FEZ2: variants seen among roughly 807,000 people sequenced by gnomAD.
FEZ2 encodes fasciculation and elongation protein zeta-2.
In FEZ2, 51 loss-of-function variants were observed where a neutral mutation model predicts 40.4. The observed-to-expected ratio is 1.26, with a 90% CI of 1.01 to 1.59. FEZ2 has a LOEUF of 1.59. FEZ2 is among the 40% of genes most tolerant of loss of function. The pLI is 0.00. For missense variants in FEZ2, 640 were observed against 438.3 expected, an observed-to-expected ratio of 1.46 and a Z score of -4.11; for synonymous variants, 242 against 172.0, an observed-to-expected ratio of 1.41 and a Z score of -3.18.
chr2:36,585,833 A>G (rs759932597), intron 2 of FEZ2, among the ~76,000 whole-genome samples: 3 of 152,224 alleles, frequency 2.0e-5, no homozygotes, highest in Non-Finnish European at 4.4e-5. Context: ...GGCAAAGGAC[A>G]GAAGAGAGCT....
chr2:36,567,334 A>G (rs142459207), intron 5 of FEZ2, among the ~76,000 whole-genome samples: 141 of 152,312 alleles, frequency 9.3e-4, no homozygotes, highest in Non-Finnish European at 1.0e-3. Context: ...ACATCAAGTT[A>G]TTTTTCAGAA....
chr2:36,587,452 A>G (rs1215096133), intron 2 of FEZ2, among the ~76,000 whole-genome samples: 1 of 152,218 alleles, frequency 6.6e-6, no homozygotes, highest in Non-Finnish European at 1.5e-5. Context: ...GTTTCCCTGT[A>G]TAAAACTGAA....
chr2:36,554,114 C>T, intron 7 of FEZ2: 1 of 428,522 alleles, frequency 2.3e-6, no homozygotes, highest in Non-Finnish European at 4.8e-6. Context: ...AACCACAACA[C>T]ATGCACACAG....
chr2:36,577,966 A>G (rs1446514113), intron 5 of FEZ2, among the ~76,000 whole-genome samples: 1 of 152,240 alleles, frequency 6.6e-6, no homozygotes, highest in Non-Finnish European at 1.5e-5. Flanking sequence ...CAAGGTGGGA[A>G]TACACAAGAC....
chr2:36,562,604 C>CAATAGTTAT (rs1254875892), intron 5 of FEZ2, among the ~76,000 whole-genome samples: 1 of 152,208 alleles, frequency 6.6e-6, no homozygotes, highest in East Asian at 1.9e-4. Flanking sequence ...CTCTTCACTT[C>CAATAGTTAT]ACTGAAAGCA....
At chr2:36,560,381 C>T (rs912421702) in intron 5 of FEZ2, among the ~76,000 whole-genome samples, 2 of 152,122 alleles carry the variant, frequency 1.3e-5, no homozygotes, top group African/African-American at 4.8e-5. Context: ...TCAAACATAC[C>T]GACATCTGGC....
chr2:36,587,691 T>G (rs184612788), intron 2 of FEZ2, among the ~76,000 whole-genome samples: 37 of 152,300 alleles, frequency 2.4e-4, no homozygotes, highest in Non-Finnish European at 5.0e-4. Flanking sequence ...GTTTTATAAG[T>G]AAAATAATCT....
At chr2:36,564,973 G>GAC (rs150018635) in intron 5 of FEZ2, among the ~76,000 whole-genome samples, 90 of 152,316 alleles carry the variant, frequency 5.9e-4, no homozygotes, top group African/African-American at 2.0e-3. Context: ...GGAAAAGAGA[G>GAC]ACATCCCCTC....
chr2:36,553,990 T>C (rs1667891031), intron 7 of FEZ2, among the ~76,000 whole-genome samples: 1 of 152,160 alleles, frequency 6.6e-6, no homozygotes, highest in Non-Finnish European at 1.5e-5. Context: ...CACATTTGGG[T>C]AAATACATCT....
chr2:36,597,744 G>A (rs1209101104), intron 1 of FEZ2, 133 bp downstream of exon 1: 3 of 619,092 alleles, frequency 4.8e-6, no homozygotes, highest in East Asian at 6.9e-5. Context: ...GCCGGAGGAA[G>A]GAGGCGAGAG....
At chr2:36,584,814 T>C (rs1363013446) in intron 2 of FEZ2, among the ~76,000 whole-genome samples, 1 of 152,150 alleles carries the variant, frequency 6.6e-6, no homozygotes, top group Non-Finnish European at 1.5e-5. Context: ...AGTTTGCAGG[T>C]GAACACAGCC....
intron 5 of FEZ2, among the ~76,000 whole-genome samples, chr2:36,564,894 T>C (rs1233769088): frequency 6.6e-6 from 1 of 152,228 alleles, no homozygotes; most frequent in Non-Finnish European, 1.5e-5. Context: ...GCAGCAACCC[T>C]GTCTTCTCTC....
chr2:36,585,176 T>C lies in FEZ2; in HGVS notation c.376-1707A>G, dbSNP rs187079773. Among the ~76,000 whole-genome samples, 318 of 152,262 alleles carry C rather than the reference T, an allele frequency of 2.1e-3. 2 individuals carry two copies. Among genetic ancestry groups the C allele is most frequent in the African/African-American group, 7.3e-3 (304 of 41,536 alleles). ...AATTCTCAATAGCAACAATAGATGC[T>C]AGAAAATAATCGATGTAACTTCCAT... On this transcript the variant is annotated intron_variant, in intron 2 of 7. Transcript: ENST00000405912.
chr2:36,590,656 A>C, intron 2 of FEZ2: 1 of 316,772 alleles, frequency 3.2e-6, no homozygotes, highest in Non-Finnish European at 5.8e-6. Flanking sequence ...GACTCCGTCA[A>C]AAAAAAAAAA....
At chr2:36,575,384 T>C (rs1156735522) in intron 5 of FEZ2, among the ~76,000 whole-genome samples, 1 of 152,094 alleles carries the variant, frequency 6.6e-6, no homozygotes, top group African/African-American at 2.4e-5. Flanking sequence ...AGACAAGGTC[T>C]CACTATATTG....
chr2:36,579,332 CA>C (rs1668668602), intron 4 of FEZ2, among the ~76,000 whole-genome samples: 1 of 152,206 alleles, frequency 6.6e-6, no homozygotes, highest in Admixed American at 6.5e-5. Flanking sequence ...CACTTAATTA[CA>C]TAAGTCCTGA....
Position 36,552,493 on chromosome 2 carries a change from C to A in FEZ2, c.*670G>T. The A allele has an allele frequency of 4.1e-6, 1 of 244,424 alleles. No homozygotes were observed. Among genetic ancestry groups the A allele is most frequent in the Non-Finnish European group, 8.1e-6 (1 of 122,810 alleles). The allele number at this position is 244,424 out of a possible 1,614,324, so 15.1% of individuals were successfully genotyped here. A position where few individuals can be genotyped will look rare whatever the true frequency, so the allele number is the denominator to read the frequency against. On this transcript the variant is annotated 3_prime_UTR_variant, in exon 8 of 8. Transcript: ENST00000405912. Reference sequence around the variant, plus strand: ...TACAATTCTTCACAGACACATGAAGCAGAACATTTGAAAATCAAAACTTAA... The same window carrying A: ...TACAATTCTTCACAGACACATGAAGAAGAACATTTGAAAATCAAAACTTAA...
intron 4 of FEZ2, 154 bp from the exon 5 acceptor site, chr2:36,579,019 ATCT>A (rs1668660092): frequency 4.7e-6 from 3 of 641,452 alleles, no homozygotes; most frequent in South Asian, 2.1e-5. Context: ...ACTGTGGGTG[ATCT>A]TCTCAGAATT....
chr2:36,594,797 TAAAC>T (rs1177758947), intron 1 of FEZ2, among the ~76,000 whole-genome samples: 1 of 152,296 alleles, frequency 6.6e-6, no homozygotes, highest in African/African-American at 2.4e-5. Flanking sequence ...TGCTCCTTCT[TAAAC>T]AAGGCTATAA....
Sources: allele counts gnomAD v4.1 joint callset (sites outside exome capture counted in the v4.1 genomes callset), GRCh38; gene constraint gnomAD v4.1.1; transcripts MANE v1.5; gene names NCBI Gene and HGNC (gene_info 2026-07-23, HGNC 2026-07-21).